Variants in DZIP1L observed in about 807,000 individuals in gnomAD.
DZIP1L encodes the protein DAZ interacting zinc finger protein 1 like.
A neutral mutation model predicts 88.7 loss-of-function variants in DZIP1L; 90 were observed. That is an observed-to-expected ratio of 1.02 (90% CI 0.86 to 1.21). The LOEUF (loss-of-function observed/expected upper bound fraction) is 1.21, where lower values mean the gene tolerates loss of function less well. DZIP1L is among the 50% of genes most tolerant of loss of function. The pLI is 0.00. For missense variants in DZIP1L, 932 were observed against 955.8 expected (o/e 0.98, Z 0.33); for synonymous variants, 363 against 372.1 (o/e 0.98, Z 0.28).
chr3:138,083,859 C>T (rs1943792361), intron 8 of DZIP1L, among the ~76,000 whole-genome samples: 2 of 152,130 alleles, frequency 1.3e-5, no homozygotes, highest in Non-Finnish European at 2.9e-5. Flanking sequence ...AGGTGCTGAG[C>T]GTTTTATATG....
At chr3:138,074,724 T>C (rs917676633) in intron 11 of DZIP1L, among the ~76,000 whole-genome samples, 5 of 120,510 alleles carry the variant, frequency 4.1e-5, no homozygotes, top group Non-Finnish European at 7.2e-5. Context: ...TATACAACAA[T>C]AATACACGAA....
At position 138,084,224 on chromosome 3, in the gene DZIP1L, G is replaced by A; in HGVS notation, c.1092C>T (p.Ala364=). Residue 364 remains alanine (A), a synonymous_variant, in exon 8 of 16, where the codon GCC becomes GCT. Coordinates refer to ENST00000327532, the MANE Select transcript of DZIP1L (RefSeq NM_173543.3). Reference sequence around the variant, plus strand: ...CCTTCTTCTGATCCTGAGACAGGGAGGCCTGGAGCCTCTGGTTCTCCTCCT... The same window carrying A: ...CCTTCTTCTGATCCTGAGACAGGGAAGCCTGGAGCCTCTGGTTCTCCTCCT... ...ELQEENQRLQ[A]SLSQDQKKAA... 5 of 1,614,148 alleles carry A rather than the reference G, an allele frequency of 3.1e-6. No individual in the cohort carries two copies. Among genetic ancestry groups the A allele is most frequent in the Non-Finnish European group, 4.2e-6 (5 of 1,179,996 alleles).
At position 138,071,685 on chromosome 3, in the gene DZIP1L, C is replaced by G; in HGVS notation, c.1573G>C (p.Glu525Gln). 1 of 1,614,196 alleles carries G rather than the reference C, an allele frequency of 6.2e-7. No homozygotes were observed. The highest frequency in any genetic ancestry group is 1.1e-5 in the South Asian group (1 of 91,074). The change falls in exon 12 of 16, where the codon GAG becomes CAG. Residue 525 changes from glutamate to glutamine, a missense_variant. Transcript: ENST00000327532. The part of the protein sequence containing the change: ...EVTSRAKERQ[E>Q]NGAVVSQPDG... Reference sequence around the variant, plus strand: ...GGCTGGGACACCACAGCGCCATTCTCCTGTCTCTCCTTCGCTCTGCTGGTG... The same window carrying G: ...GGCTGGGACACCACAGCGCCATTCTGCTGTCTCTCCTTCGCTCTGCTGGTG...
chr3:138,066,240 T>A (rs1303678382), intron 14 of DZIP1L, among the ~76,000 whole-genome samples: 2 of 152,224 alleles, frequency 1.3e-5, no homozygotes, highest in Non-Finnish European at 2.9e-5. Flanking sequence ...TTTGTCAAAA[T>A]GTTCATGGTA....
Position 138,103,810 on chromosome 3 carries a change from A to T in DZIP1L, c.162T>A (p.Thr54=). ...DRVARELDVA[T]LQENIAGITF... The stretch of plus-strand genomic sequence containing the variant: ...TGATGCCAGCAATATTCTCCTGCAG[A>T]GTGGCCACATCCAGTTCCCGGGCCA... The change falls in exon 2 of 16, where the codon ACT becomes ACA. Residue 54 remains threonine, a synonymous_variant. Coordinates refer to ENST00000327532, the MANE Select transcript of DZIP1L (RefSeq NM_173543.3). The T allele has an allele frequency of 1.9e-6, 3 of 1,614,196 alleles. No homozygotes were observed. The highest frequency in any genetic ancestry group is 2.5e-6 in the Non-Finnish European group (3 of 1,180,052).
chr3:138,085,635 A>T (rs1943894576), intron 7 of DZIP1L, among the ~76,000 whole-genome samples: 1 of 152,220 alleles, frequency 6.6e-6, no homozygotes, highest in Non-Finnish European at 1.5e-5. Flanking sequence ...GTGGAGAAAT[A>T]GGAACACTTT....
intron 6 of DZIP1L, 37 bp downstream of exon 6, chr3:138,088,342 C>T: frequency 1.9e-6 from 3 of 1,572,326 alleles, no homozygotes; most frequent in Non-Finnish European, 2.6e-6. Context: ...TGGCTCTTGG[C>T]TTCCTCTGGG....
intron 2 of DZIP1L, chr3:138,101,366 C>T (rs370338136): frequency 4.6e-6 from 3 of 651,074 alleles, no homozygotes; most frequent in Non-Finnish European, 5.5e-6. Flanking sequence ...AGGGCTAGGG[C>T]TGAGCCTCAG....
chr3:138,063,729 C>T lies in DZIP1L; in HGVS notation c.2143-752G>A, dbSNP rs1452748923. 6.6e-6 allele frequency among the ~76,000 whole-genome samples: 1 copy of T among 152,208 alleles called. No homozygotes were observed. Among genetic ancestry groups the T allele is most frequent in the East Asian group, 1.9e-4 (1 of 5,202 alleles). ...CTCAATCTGTTTGGGGCTGTTGGTGCTCTTTCACAATTTGGAAAAAGGAAC... is the reference window on the plus strand; with the variant it reads ...CTCAATCTGTTTGGGGCTGTTGGTGTTCTTTCACAATTTGGAAAAAGGAAC... On this transcript the variant is annotated intron_variant, in intron 15 of 15. Transcript: ENST00000327532. This position sits in a 1 kb window ranked among gnomAD's most constrained non-coding sequence, Gnocchi z 4.1.
chr3:138,106,127 C>CTTTTTTTTTTT (rs56146259), intron 1 of DZIP1L, among the ~76,000 whole-genome samples: 16 of 64,530 alleles, frequency 2.5e-4, no homozygotes, highest in East Asian at 1.1e-3. Context: ...AGTCTTCTTT[C>CTTTTTTTTTTT]TTTTTTTTTT....
chr3:138,092,327 T>G, intron 5 of DZIP1L, 56 bp downstream of exon 5: 8 of 1,461,786 alleles, frequency 5.5e-6, no homozygotes, highest in Non-Finnish European at 7.2e-6. Context: ...TAAGAAATTT[T>G]GAGAATAAGC....
Position 138,094,918 on chromosome 3 carries a change from A to C in DZIP1L, c.652T>G (p.Trp218Gly), listed in dbSNP as rs1559851607. 1 of 1,614,160 alleles carries C rather than the reference A, an allele frequency of 6.2e-7. No individual in the cohort carries two copies. The highest frequency in any genetic ancestry group is 8.5e-7 in the Non-Finnish European group (1 of 1,180,030). Reference sequence around the variant, plus strand: ...TGGGCTTCCAGCTCCCCTTGGGTCCACTTTAGCTTGGCCCGTAGCTCTTCT... The same window carrying C: ...TGGGCTTCCAGCTCCCCTTGGGTCCCCTTTAGCTTGGCCCGTAGCTCTTCT... ...VLEELRAKLK[W>G]TQGELEAQRE... The change falls in exon 4 of 16, where the codon TGG (tryptophan) becomes GGG (glycine). Residue 218 changes from tryptophan (W) to glycine (G), a missense_variant. By Grantham distance (184) the Trp-to-Gly change is radical. Transcript: ENST00000327532.
intron 7 of DZIP1L, 42 bp downstream of exon 7, chr3:138,086,919 C>A (rs1943966486): frequency 2.5e-6 from 4 of 1,606,840 alleles, no homozygotes; most frequent in East Asian, 4.5e-5. Flanking sequence ...GAGAGGAGGT[C>A]ACAGGAAACC....
chr3:138,071,600 C>G (rs781646756), intron 12 of DZIP1L, 43 bp downstream of exon 12: 2 of 1,573,792 alleles, frequency 1.3e-6, no homozygotes, highest in Non-Finnish European at 1.7e-6. Flanking sequence ...AGAATGGGAC[C>G]CTTACAGGTC....
rs554172799 is a variant in DZIP1L, at chr3:138,077,508, C to T, written c.1413G>A (p.Gly471=). 1 of 1,614,156 alleles carries T rather than the reference C, an allele frequency of 6.2e-7. No individual in the cohort carries two copies. ...TGGCCCTGAAACTCACCTTCCTTAT[C>T]CCCATGCTTTCGAGCTTCTCTTCCA... ...DTLEEKLESM[G]IRKDAKGISI... Residue 471 remains glycine, a synonymous_variant, in exon 11 of 16, where the codon GGG becomes GGA. Coordinates refer to ENST00000327532, the MANE Select transcript of DZIP1L (RefSeq NM_173543.3).
At chr3:138,099,835 C>A (rs1264511292) in intron 2 of DZIP1L, among the ~76,000 whole-genome samples, 1 of 152,174 alleles carries the variant, frequency 6.6e-6, no homozygotes, top group Non-Finnish European at 1.5e-5. Context: ...ATCAGGTGCC[C>A]AGTCTTGAAC....
At position 138,062,891 on chromosome 3, in the gene DZIP1L, C is replaced by A; in HGVS notation, c.2229G>T (p.Leu743Phe). 6.2e-7 allele frequency: 1 copy of A among 1,614,214 alleles called. No individual in the cohort carries two copies. The change falls in exon 16 of 16, where the codon TTG becomes TTT. Residue 743 changes from leucine to phenylalanine, a missense_variant. Leu to Phe is a conservative substitution (Grantham distance 22). Coordinates refer to ENST00000327532, the MANE Select transcript of DZIP1L (RefSeq NM_173543.3). ...ACTTCTCTGGGAGCTTTGAGCGAGA[C>A]AAGGGCTTGGGTTTCTCTCTCTGGT... ...DLDQREKPKP[L>F]SRSKLPEKFG...
chr3:138,064,490 G>C, intron 15 of DZIP1L, 138 bp downstream of exon 15: 1 of 1,611,552 alleles, frequency 6.2e-7, no homozygotes, highest in South Asian at 1.1e-5. Flanking sequence ...AGGGGCAGAG[G>C]GAGGTCACCC....
intron 2 of DZIP1L, chr3:138,102,486 G>T: frequency 7.3e-7 from 1 of 1,369,340 alleles, no homozygotes; most frequent in Non-Finnish European, 1.0e-6. Flanking sequence ...TAAGGTTGTT[G>T]ATGTAGCTCT....
Sources: allele counts gnomAD v4.1 joint callset (sites outside exome capture counted in the v4.1 genomes callset), GRCh38; gene constraint gnomAD v4.1.1; non-coding constraint Gnocchi (gnomAD v3.1); transcripts MANE v1.5; gene names NCBI Gene and HGNC (gene_info 2026-07-23, HGNC 2026-07-21).